The following ADCY2 variants were observed in gnomAD, a reference collection of about 807,000 sequenced individuals.
The protein encoded by ADCY2 is adenylate cyclase type 2.
In ADCY2, 31 loss-of-function variants were observed where a neutral mutation model predicts 125.2. The observed-to-expected ratio is 0.25, with a 90% CI of 0.19 to 0.33. The LOEUF is 0.33. Among genes scored for constraint, ADCY2 ranks in the 10% least tolerant of loss-of-function variants. ADCY2 has a pLI of 1.00. For missense variants in ADCY2, 904 were observed against 1,418.2 expected (o/e 0.64, Z 5.82); for synonymous variants, 512 against 548.4 (o/e 0.93, Z 0.93).
At chr5:7,752,188 A>G (rs1742849657) in intron 15 of ADCY2, among the ~76,000 whole-genome samples, 1 of 152,226 alleles carries the variant, frequency 6.6e-6, no homozygotes, top group Non-Finnish European at 1.5e-5. Flanking sequence ...AAGTCTTCCT[A>G]TGGGAAATTA....
intron 3 of ADCY2, among the ~76,000 whole-genome samples, chr5:7,560,047 G>A (rs1452066163): frequency 6.6e-6 from 1 of 152,172 alleles, no homozygotes; most frequent in Non-Finnish European, 1.5e-5. Context: ...TCAAAGACAA[G>A]AGCATTAATC....
intron 3 of ADCY2, among the ~76,000 whole-genome samples, chr5:7,595,307 G>A (rs892514391): frequency 9.9e-5 from 15 of 152,136 alleles, no homozygotes; most frequent in Admixed American, 6.5e-5. Context: ...TAATTTTGGA[G>A]CATTTATTTT....
At chr5:7,455,109 C>T (rs533810552) in intron 2 of ADCY2, among the ~76,000 whole-genome samples, 6 of 152,210 alleles carry the variant, frequency 3.9e-5, no homozygotes, top group African/African-American at 1.2e-4. Context: ...CTTCTTTTCT[C>T]GCTGCACAAA....
chr5:7,469,827 T>C (rs1373329739), intron 2 of ADCY2, among the ~76,000 whole-genome samples: 1 of 151,874 alleles, frequency 6.6e-6, no homozygotes. Flanking sequence ...ACTCTTCCTA[T>C]ATAAGAACAC....
intron 1 of ADCY2, among the ~76,000 whole-genome samples, chr5:7,398,690 A>C (rs1185715756): frequency 6.6e-6 from 1 of 152,196 alleles, no homozygotes; most frequent in Non-Finnish European, 1.5e-5. Flanking sequence ...AATGTTCCAG[A>C]ATCAGGGAGG....
chr5:7,519,108 C>G (rs1744352521), intron 2 of ADCY2, among the ~76,000 whole-genome samples: 1 of 152,204 alleles, frequency 6.6e-6, no homozygotes, highest in Admixed American at 6.5e-5. Flanking sequence ...CTGAATCTTT[C>G]CTGTGCTCTT....
chr5:7,672,624 C>T (rs952939911), intron 4 of ADCY2, among the ~76,000 whole-genome samples: 6 of 152,232 alleles, frequency 3.9e-5, no homozygotes, highest in East Asian at 1.9e-4. Flanking sequence ...CTCAGCCTCC[C>T]GAGTAGCTGG....
chr5:7,700,529 T>A (rs2126334702), intron 7 of ADCY2, among the ~76,000 whole-genome samples: 1 of 151,414 alleles, frequency 6.6e-6, no homozygotes, highest in South Asian at 2.1e-4. Flanking sequence ...TGAACAGCGT[T>A]GGAATTGTGA....
chr5:7,415,472 C>T (rs952044665), intron 2 of ADCY2, among the ~76,000 whole-genome samples: 1 of 152,164 alleles, frequency 6.6e-6, no homozygotes, highest in African/African-American at 2.4e-5. Flanking sequence ...CTTCTGTTTC[C>T]GGAGTGCCTT....
intron 16 of ADCY2, among the ~76,000 whole-genome samples, chr5:7,760,960 C>T (rs533945900): frequency 6.6e-6 from 1 of 152,232 alleles, no homozygotes; most frequent in East Asian, 1.9e-4. Context: ...TCTGTGTATT[C>T]AACTTTGTTT....
chr5:7,412,641 C>T (rs1293104330), intron 1 of ADCY2, among the ~76,000 whole-genome samples: 2 of 152,224 alleles, frequency 1.3e-5, no homozygotes, highest in African/African-American at 2.4e-5. Flanking sequence ...AAAAGAACAT[C>T]TCATTTGATC....
chr5:7,433,595 G>A (rs1740687621), intron 2 of ADCY2, among the ~76,000 whole-genome samples: 1 of 152,086 alleles, frequency 6.6e-6, no homozygotes, highest in Admixed American at 6.5e-5. Context: ...TCCAAAAATT[G>A]TGGAACAGTT....
intron 4 of ADCY2, among the ~76,000 whole-genome samples, chr5:7,661,493 A>G (rs576873732): frequency 3.3e-5 from 5 of 152,350 alleles, no homozygotes; most frequent in Non-Finnish European, 5.9e-5. Context: ...TAAACTCCCA[A>G]TCAAAAGGTA....
At chr5:7,787,242 C>A (rs1388717911) in intron 19 of ADCY2, among the ~76,000 whole-genome samples, 1 of 152,208 alleles carries the variant, frequency 6.6e-6, no homozygotes, top group African/African-American at 2.4e-5. Flanking sequence ...GCACTGCCCT[C>A]CCTGAGTCAC....
intron 4 of ADCY2, among the ~76,000 whole-genome samples, chr5:7,665,926 C>T (rs1189838657): frequency 7.3e-6 from 1 of 137,840 alleles, no homozygotes; most frequent in Non-Finnish European, 1.5e-5. Flanking sequence ...GCAAGCTCTG[C>T]CTCCCGGGTT....
At chr5:7,679,468 T>A (rs1740251235) in intron 4 of ADCY2, among the ~76,000 whole-genome samples, 1 of 152,150 alleles carries the variant, frequency 6.6e-6, no homozygotes, top group African/African-American at 2.4e-5. Flanking sequence ...AGACCCCCAC[T>A]GCAGAAGAGA....
chr5:7,764,414 G>A (rs181899919), intron 16 of ADCY2, among the ~76,000 whole-genome samples: 1 of 152,210 alleles, frequency 6.6e-6, no homozygotes, highest in East Asian at 1.9e-4. Context: ...ATAAATCTGT[G>A]AGCCACCCAG....
At chr5:7,563,082 C>G (rs1735763163) in intron 3 of ADCY2, among the ~76,000 whole-genome samples, 1 of 151,986 alleles carries the variant, frequency 6.6e-6, no homozygotes, top group Non-Finnish European at 1.5e-5. Flanking sequence ...GTGTTTGATC[C>G]CACCATATTT....
chr5:7,428,612 A>C (rs554321968), intron 2 of ADCY2, among the ~76,000 whole-genome samples: 16 of 152,226 alleles, frequency 1.1e-4, no homozygotes, highest in Non-Finnish European at 2.1e-4. Context: ...AGCTGAGATT[A>C]ATAAGTATTC....
Sources: allele counts gnomAD v4.1 joint callset (sites outside exome capture counted in the v4.1 genomes callset), GRCh38; gene constraint gnomAD v4.1.1; transcripts MANE v1.5; gene names NCBI Gene and HGNC (gene_info 2026-07-23, HGNC 2026-07-21).